The following ARHGAP20 variants were observed in gnomAD, a reference collection of about 807,000 sequenced individuals.
ARHGAP20 encodes Rho GTPase activating protein 20.
ARHGAP20 carries 34 observed loss-of-function variants against 73.7 expected under a neutral mutation model. That is an observed-to-expected ratio of 0.46 (90% confidence interval 0.35 to 0.61). The LOEUF is 0.61. ARHGAP20 is among the 20% of genes least tolerant of loss of function. ARHGAP20 has a pLI of 0.00. For synonymous variants in ARHGAP20, 523 were observed against 518.2 expected (o/e 1.01, Z -0.13); for missense variants, 1,314 against 1,420.9 (o/e 0.92, Z 1.21).
At chr11:110,648,225 A>ATATATATATGTAAATATATATATG (rs1565457524) in intron 2 of ARHGAP20, among the ~76,000 whole-genome samples, 1 of 95,704 alleles carries the variant, frequency 1.0e-5, no homozygotes, top group African/African-American at 4.5e-5. Flanking sequence ...ATATATGTAT[A>ATATATATATGTAAATATATATATG]TATATATATA....
Position 110,579,272 on chromosome 11 carries a change from A to G in ARHGAP20, c.*98T>C. The G allele has an allele frequency of 3.4e-6, 5 of 1,457,642 alleles. No homozygotes were observed. The highest frequency in any genetic ancestry group is 4.5e-6 in the Non-Finnish European group (5 of 1,104,898). The allele number at this position is 1,457,642 out of a possible 1,614,324, so 90.3% of individuals were successfully genotyped here. A position where few individuals can be genotyped will look rare whatever the true frequency, so the allele number is the denominator to read the frequency against. Reference sequence around the variant, plus strand: ...TATTAGCAATGATAATCCTTATGCTACCTCTCCCAGGTATCTTATACAAAG... The same window carrying G: ...TATTAGCAATGATAATCCTTATGCTGCCTCTCCCAGGTATCTTATACAAAG... On this transcript the variant is annotated 3_prime_UTR_variant, in exon 15 of 15. Coordinates refer to ENST00000683387, the MANE Select transcript of ARHGAP20 (RefSeq NM_001384657.1).
chr11:110,656,583 C>T (rs989864975), intron 2 of ARHGAP20, among the ~76,000 whole-genome samples: 2 of 152,102 alleles, frequency 1.3e-5, no homozygotes, highest in Non-Finnish European at 2.9e-5. Context: ...TCTACCTCTC[C>T]CCAGGAAGTA....
rs182287889 is a variant in ARHGAP20 at position 110,595,405 on chromosome 11, G to C, written c.965-3250C>G. Among the ~76,000 whole-genome samples the C allele has an allele frequency of 2.4e-4, 36 of 152,302 alleles. No homozygotes were observed. The East Asian group carries it at 6.6e-3, about 28-fold the overall frequency. ...ATATCTAGAAAACCCCATGGTCTCA[G>C]CCCCAAATCTCCTTAAGCTGATAAG... On this transcript the variant is annotated intron_variant, in intron 9 of 14. Coordinates refer to ENST00000683387, the MANE Select transcript of ARHGAP20 (RefSeq NM_001384657.1).
rs138034862 is a variant in ARHGAP20, at chr11:110,630,709, C to T, written c.272G>A (p.Arg91Gln). The T allele has an allele frequency of 6.8e-5, 110 of 1,613,874 alleles. No homozygotes were observed. Among genetic ancestry groups the T allele is most frequent in the African/African-American group, 1.2e-4 (9 of 74,860 alleles). ...CSNRTLLIDGRAELKRGLQRQ... is the reference protein window; with the variant it reads ...CSNRTLLIDGQAELKRGLQRQ... ...CTGGAGGCCTCTTTTGAGTTCTGCC[C>T]GGCCATCAATCAGCAGAGTCCTATT... is the stretch of plus-strand genomic sequence containing the variant. Residue 91 changes from arginine to glutamine, a missense_variant, in exon 3 of 15, where the codon CGG (arginine) becomes CAG (glutamine). By Grantham distance (43) the Arg-to-Gln change is conservative. This residue lies in a region of ARHGAP20 where 443 missense variants were observed against 466.4 expected (regional missense o/e 0.95). Coordinates refer to ENST00000683387, the MANE Select transcript of ARHGAP20 (RefSeq NM_001384657.1).
chr11:110,707,826 C>A (rs182332077), intron 1 of ARHGAP20, among the ~76,000 whole-genome samples: 1 of 151,684 alleles, frequency 6.6e-6, no homozygotes, highest in Non-Finnish European at 1.5e-5. Flanking sequence ...TATGTTTGTT[C>A]CTTTAATAAC....
chr11:110,585,977 G>C (rs144776910), intron 12 of ARHGAP20, among the ~76,000 whole-genome samples: 269 of 152,220 alleles, frequency 1.8e-3, no homozygotes, highest in Non-Finnish European at 2.9e-3. Context: ...TATAGTATTA[G>C]CTAGTGGACT....
chr11:110,592,865 C>T (rs207472336), intron 9 of ARHGAP20, among the ~76,000 whole-genome samples: 34 of 152,074 alleles, frequency 2.2e-4, no homozygotes, highest in Non-Finnish European at 5.9e-5. Flanking sequence ...CAGTTCTTGA[C>T]TTTAAAGTAT....
At chr11:110,686,169 GCAAGCTCATTAATAATT>G (rs1950127971) in intron 2 of ARHGAP20, among the ~76,000 whole-genome samples, 1 of 151,998 alleles carries the variant, frequency 6.6e-6, no homozygotes. Flanking sequence ...ATTTAAAACA[GCAAGCTCATTAATAATT>G]CAAAAAATCT....
At chr11:110,691,578 ATTATGTGATTC>A in intron 1 of ARHGAP20, among the ~76,000 whole-genome samples, 3 of 152,334 alleles carry the variant, frequency 2.0e-5, no homozygotes, top group African/African-American at 7.2e-5. Flanking sequence ...TCGGTATCCT[ATTATGTGATTC>A]ATAAAGGAAT....
chr11:110,583,808 C>T (rs1947540619), intron 12 of ARHGAP20, 71 bp from the exon 13 acceptor site: 1 of 1,262,926 alleles, frequency 7.9e-7, no homozygotes, highest in Admixed American at 2.9e-5. Context: ...GCAACTCTCA[C>T]TTTGAATGGG....
intron 1 of ARHGAP20, among the ~76,000 whole-genome samples, chr11:110,692,601 G>A (rs1421431445): frequency 6.6e-6 from 1 of 152,008 alleles, no homozygotes; most frequent in African/African-American, 2.4e-5. Context: ...ATCTTCATTA[G>A]TACATAGTTT....
rs1314535878 is a variant in ARHGAP20 at position 110,688,279 on chromosome 11, C to A, written c.188+2268G>T. On this transcript the variant is annotated intron_variant, in intron 2 of 14. Coordinates refer to ENST00000683387, the MANE Select transcript of ARHGAP20 (RefSeq NM_001384657.1). The stretch of plus-strand genomic sequence containing the variant: ...CTAGAGGTTAGTAACACCCCCTCCT[C>A]CCCCCGCCCCCAATGTGAACCACTG... Among the ~76,000 whole-genome samples the A allele has an allele frequency of 2.0e-5, 3 of 151,578 alleles. No homozygotes were observed. The East Asian group carries it at 5.8e-4, about 29-fold the overall frequency.
rs767360159 is a variant in ARHGAP20, at chr11:110,585,030, TATATGTGAATATATATGA to T, written c.1415+1168_1415+1185del. Among the ~76,000 whole-genome samples the T allele has an allele frequency of 8.9e-3, 1,249 of 140,964 alleles. 11 individuals carry two copies. The highest frequency in any genetic ancestry group is 0.029 in the African/African-American group (1,158 of 40,420). 92.5% of individuals were successfully genotyped at this position (140,964 alleles called of 152,430 possible). On this transcript the variant is annotated intron_variant, in intron 12 of 14. Transcript: ENST00000683387. ...ATATGTATGTGAACATATATGTGAA[TATATGTGAATATATATGA>T]ATATATGAATATATGTGAACATATA...
chr11:110,705,598 T>C (rs1389369587), intron 1 of ARHGAP20, among the ~76,000 whole-genome samples: 3 of 152,190 alleles, frequency 2.0e-5, no homozygotes, highest in Admixed American at 6.5e-5. Context: ...CTATGAACTT[T>C]AGAGTCACAA....
chr11:110,677,144 A>C (rs1949948132), intron 2 of ARHGAP20, among the ~76,000 whole-genome samples: 1 of 152,218 alleles, frequency 6.6e-6, no homozygotes, highest in Admixed American at 6.5e-5. Flanking sequence ...TACAAACTTC[A>C]AATTAAATGC....
chr11:110,660,737 A>C (rs1007947152), intron 2 of ARHGAP20, among the ~76,000 whole-genome samples: 20 of 152,148 alleles, frequency 1.3e-4, no homozygotes, highest in African/African-American at 4.8e-4. Context: ...GGAAACAAGC[A>C]TGTGCTGTTG....
chr11:110,698,513 T>C (rs1001719848), intron 1 of ARHGAP20, among the ~76,000 whole-genome samples: 12 of 151,746 alleles, frequency 7.9e-5, no homozygotes, highest in African/African-American at 2.7e-4. Context: ...CTTTGTATGT[T>C]TGATAAAATT....
At chr11:110,697,161 C>T (rs11213542) in intron 1 of ARHGAP20, among the ~76,000 whole-genome samples, 1 of 151,660 alleles carries the variant, frequency 6.6e-6, no homozygotes, top group Non-Finnish European at 1.5e-5. Context: ...TTTGATAAAT[C>T]TCCATATTGT....
At chr11:110,638,937 A>T (rs1949024160) in intron 2 of ARHGAP20, among the ~76,000 whole-genome samples, 2 of 152,120 alleles carry the variant, frequency 1.3e-5, no homozygotes, top group Non-Finnish European at 2.9e-5. Flanking sequence ...CCAACATGGC[A>T]CATGAATACA....
Sources: gnomAD v4.1 joint callset for allele counts (sites outside exome capture counted in the v4.1 genomes callset) on GRCh38, gnomAD v4.1.1 for gene constraint, gnomAD v4.1.1 regional missense constraint, MANE v1.5 for transcripts, NCBI Gene and HGNC (gene_info 2026-07-23, HGNC 2026-07-21) for gene names.